Variants in SLC4A5 observed in about 807,000 individuals in gnomAD.
SLC4A5 encodes solute carrier family 4 member 5.
In SLC4A5, 96 loss-of-function variants were observed where a neutral mutation model predicts 120.4. That is an observed-to-expected ratio of 0.80 (90% CI 0.68 to 0.94). SLC4A5 has a LOEUF of 0.94. SLC4A5 is among the 40% of genes least tolerant of loss of function. The pLI, the probability that SLC4A5 is intolerant of heterozygous loss-of-function variation, is 0.00. For synonymous variants in SLC4A5, 550 were observed against 571.1 expected, an observed-to-expected ratio of 0.96 and a Z score of 0.53; for missense variants, 1,259 against 1,459.5, an observed-to-expected ratio of 0.86 and a Z score of 2.24.
chr2:74,314,633 T>C (rs1175665753), intron 6 of SLC4A5, among the ~76,000 whole-genome samples: 1 of 152,248 alleles, frequency 6.6e-6, no homozygotes, highest in African/African-American at 2.4e-5. Context: ...AATCTATTAA[T>C]ATAAAATGTT....
intron 8 of SLC4A5, among the ~76,000 whole-genome samples, chr2:74,273,901 C>T (rs1350004687): frequency 2.0e-5 from 3 of 152,202 alleles, no homozygotes; most frequent in Admixed American, 6.5e-5. Context: ...TGGTGGCTCA[C>T]GCCTATAATC....
chr2:74,228,404 G>A (rs567049835), intron 25 of SLC4A5, among the ~76,000 whole-genome samples: 35 of 152,158 alleles, frequency 2.3e-4, no homozygotes, highest in Non-Finnish European at 4.9e-4. Context: ...AAGGCAGGTG[G>A]ATGACCTGAG....
chr2:74,313,322 T>G (rs1326968340), intron 6 of SLC4A5, among the ~76,000 whole-genome samples: 6 of 152,220 alleles, frequency 3.9e-5, no homozygotes, highest in African/African-American at 1.4e-4. Context: ...TATGTCCACT[T>G]TCAAATAACG....
intron 8 of SLC4A5, among the ~76,000 whole-genome samples, chr2:74,270,131 A>T (rs954224441): frequency 3.9e-5 from 6 of 152,196 alleles, no homozygotes; most frequent in Non-Finnish European, 8.8e-5. Flanking sequence ...GATTTAAGAA[A>T]TTCCGGAATA....
At chr2:74,228,774 C>T (rs1694946360) in intron 25 of SLC4A5, among the ~76,000 whole-genome samples, 1 of 152,012 alleles carries the variant, frequency 6.6e-6, no homozygotes, top group South Asian at 2.1e-4. Context: ...AACTAACCAC[C>T]AATAGTTTGG....
At chr2:74,232,291 G>A (rs922847177) in intron 24 of SLC4A5, among the ~76,000 whole-genome samples, 178 bp downstream of exon 24, 2 of 152,180 alleles carry the variant, frequency 1.3e-5, no homozygotes, top group African/African-American at 4.8e-5. Context: ...ACTTAGAGCT[G>A]GACTTCTGTC....
intron 19 of SLC4A5, among the ~76,000 whole-genome samples, chr2:74,245,445 A>G (rs563738093): frequency 2.0e-5 from 3 of 152,248 alleles, no homozygotes; most frequent in Admixed American, 6.5e-5. Flanking sequence ...TACAGTCTAT[A>G]AGATACAAGC....
At chr2:74,316,321 TAAA>T (rs60481743) in intron 5 of SLC4A5, among the ~76,000 whole-genome samples, 1,300 of 51,218 alleles carry the variant, frequency 0.025, 33 homozygotes, top group African/African-American at 0.07. Context: ...AAAAGAGTTG[TAAA>T]AAAAAAAAAA....
Position 74,311,953 on chromosome 2 carries a change from A to AT in SLC4A5, c.79+2991dup, listed in dbSNP as rs576067716. Among the ~76,000 whole-genome samples the AT allele has an allele frequency of 4.6e-5, 7 of 151,756 alleles. No individual in the cohort carries two copies. The South Asian group carries it at 1.0e-3, about 23-fold the overall frequency. On this transcript the variant is annotated intron_variant, in intron 6 of 30. Transcript: ENST00000394019. Reference sequence around the variant, plus strand: ...TTGTCTGTTCGTCTTCAGTTTTGTCATTTTTTTGCCTCATGTATTTTGATG... The same window carrying AT: ...TTGTCTGTTCGTCTTCAGTTTTGTCATTTTTTTTGCCTCATGTATTTTGATG...
At chr2:74,316,190 A>G (rs1672958585) in intron 5 of SLC4A5, among the ~76,000 whole-genome samples, 1 of 152,124 alleles carries the variant, frequency 6.6e-6, no homozygotes, top group African/African-American at 2.4e-5. Flanking sequence ...CAATAGAAGT[A>G]TCAAAATTGA....
exon 31 of SLC4A5, chr2:74,218,491 T>C (rs190460645): frequency 1.4e-4 from 22 of 152,370 alleles, no homozygotes; most frequent in Admixed American, 1.2e-3. Context: ...TTTTCATCAA[T>C]AGATCTCCAG....
At chr2:74,333,493 A>G (rs558235228) in intron 4 of SLC4A5, among the ~76,000 whole-genome samples, 1 of 152,362 alleles carries the variant, frequency 6.6e-6, no homozygotes, top group African/African-American at 2.4e-5. Flanking sequence ...ATAACAATAC[A>G]ACAATAAAAA....
In SLC4A5 at chr2:74,231,228, G is replaced by T. The variant is rs762974441; in HGVS notation, c.2847+8C>A. On this transcript the variant is annotated splice_region_variant and intron_variant, in intron 25 of 30. Coordinates refer to ENST00000394019, the Ensembl canonical transcript of SLC4A5. ...AACGAGGCCCTAGGTGACAGTGCAG[G>T]ACCTCACCTTTAGGATGGGAGCCAG... The T allele has an allele frequency of 2.5e-6, 4 of 1,610,486 alleles. No individual in the cohort carries two copies. In the African/African-American group the frequency reaches 5.3e-5, roughly 22 times the overall value.
chr2:74,290,457 G>C (rs1672123393), intron 7 of SLC4A5: 1 of 985,432 alleles, frequency 1.0e-6, no homozygotes, highest in East Asian at 1.1e-4. Context: ...GAAAAGGAAT[G>C]TGTGAAGGAC....
intron 7 of SLC4A5, among the ~76,000 whole-genome samples, chr2:74,287,629 G>A (rs1467856581): frequency 6.6e-6 from 1 of 152,108 alleles, no homozygotes; most frequent in Non-Finnish European, 1.5e-5. Flanking sequence ...CGCCCTCACT[G>A]TGTCCCTCAA....
At position 74,234,352 on chromosome 2, in the gene SLC4A5, A is replaced by T. The variant is rs370245259; in HGVS notation, c.2433+749T>A. ...CGCCACCACGCCCGGCTAATTTTTT[A>T]GTATCTGTAGTAGAGATGGGGTTTC... On this transcript the variant is annotated intron_variant, in intron 22 of 30. Coordinates refer to ENST00000394019, the Ensembl canonical transcript of SLC4A5. Among the ~76,000 whole-genome samples the T allele has an allele frequency of 9.3e-4, 142 of 151,954 alleles. 1 individual carries two copies. Among genetic ancestry groups the T allele is most frequent in the African/African-American group, 3.3e-3 (135 of 41,424 alleles).
rs771141483 is a variant in SLC4A5 at position 74,224,835 on chromosome 2, C to T, written c.3246+5G>A. The T allele has an allele frequency of 1.9e-6, 3 of 1,605,846 alleles. No homozygotes were observed. Among genetic ancestry groups the T allele is most frequent in the South Asian group, 1.1e-5 (1 of 89,588 alleles). ...CTCTGTGCCCCGGCCTCACATCTTCCCCACCTCCTCATCACAGTCCTCGTG... is the reference window on the plus strand; with the variant it reads ...CTCTGTGCCCCGGCCTCACATCTTCTCCACCTCCTCATCACAGTCCTCGTG... On this transcript the variant is annotated splice_donor_5th_base_variant and intron_variant, in intron 28 of 30. Coordinates refer to ENST00000394019, the Ensembl canonical transcript of SLC4A5.
intron 10 of SLC4A5, among the ~76,000 whole-genome samples, chr2:74,263,154 C>G (rs931749844): frequency 6.6e-6 from 1 of 152,232 alleles, no homozygotes; most frequent in African/African-American, 2.4e-5. Flanking sequence ...ATCCTCCCAT[C>G]TCAGCCTCCT....
chr2:74,335,586 G>A (rs995888666), intron 3 of SLC4A5, among the ~76,000 whole-genome samples: 1 of 152,174 alleles, frequency 6.6e-6, no homozygotes, highest in Admixed American at 6.5e-5. Flanking sequence ...TGGGCCAAAT[G>A]ATCTTCATGT....
Sources: allele counts gnomAD v4.1 joint callset (sites outside exome capture counted in the v4.1 genomes callset), GRCh38; gene constraint gnomAD v4.1.1; transcripts MANE v1.5; gene names NCBI Gene and HGNC (gene_info 2026-07-23, HGNC 2026-07-21).